JAK2: variants seen among roughly 807,000 people sequenced by gnomAD.
JAK2 encodes Janus kinase 2.
In JAK2, 86 loss-of-function variants were observed where a neutral mutation model predicts 139.3. The observed-to-expected ratio is 0.62, with a 90% CI of 0.52 to 0.74. JAK2 has a LOEUF of 0.74. Ranked by LOEUF, JAK2 falls within the 30% of genes least tolerant of loss-of-function variation. JAK2 has a pLI of 0.00. For synonymous variants in JAK2, 490 were observed against 437.7 expected (o/e 1.12, Z -1.49); for missense variants, 1,421 against 1,360.3 (o/e 1.04, Z -0.70).
intron 23 of JAK2, among the ~76,000 whole-genome samples, chr9:5,125,777 T>G (rs980292501): frequency 1.3e-5 from 2 of 151,586 alleles, no homozygotes; most frequent in Admixed American, 1.3e-4. Context: ...AGGGTGGGTA[T>G]GTATATATGT....
At chr9:5,062,294 C>T (rs1481544374) in intron 8 of JAK2, among the ~76,000 whole-genome samples, 1 of 151,872 alleles carries the variant, frequency 6.6e-6, no homozygotes, top group Admixed American at 6.6e-5. Flanking sequence ...AACTAATCCC[C>T]CTTGTATTCT....
intron 2 of JAK2, among the ~76,000 whole-genome samples, chr9:5,012,965 G>A (rs886308167): frequency 2.0e-5 from 3 of 152,120 alleles, no homozygotes; most frequent in African/African-American, 2.4e-5. Flanking sequence ...GCTGTTTAGT[G>A]TATGATGGTA....
intron 10 of JAK2, among the ~76,000 whole-genome samples, chr9:5,067,455 A>G (rs1818647762): frequency 6.6e-6 from 1 of 152,112 alleles, no homozygotes; most frequent in African/African-American, 2.4e-5. Context: ...ACAGAGAAAA[A>G]TAAGAACTTT....
intron 22 of JAK2, among the ~76,000 whole-genome samples, chr9:5,096,445 T>G (rs1820993675): frequency 1.3e-5 from 2 of 152,180 alleles, no homozygotes; most frequent in Non-Finnish European, 2.9e-5. Flanking sequence ...AAAAATTTAG[T>G]TAACAGCTAA....
chr9:5,106,124 A>G (rs1348360504), intron 22 of JAK2, among the ~76,000 whole-genome samples: 2 of 152,222 alleles, frequency 1.3e-5, no homozygotes, highest in African/African-American at 2.4e-5. Flanking sequence ...TGGACAGGCA[A>G]CCTACAGAAT....
intron 3 of JAK2, among the ~76,000 whole-genome samples, chr9:5,027,044 G>A (rs915259759): frequency 3.9e-5 from 6 of 152,192 alleles, no homozygotes; most frequent in African/African-American, 1.4e-4. Flanking sequence ...AACTCCTTCT[G>A]TGCAACCACA....
chr9:5,019,867 G>A (rs1019034155), intron 2 of JAK2, among the ~76,000 whole-genome samples: 4 of 152,192 alleles, frequency 2.6e-5, no homozygotes, highest in Non-Finnish European at 5.9e-5. Flanking sequence ...AGGCTGTGGT[G>A]AACTTTTGCT....
Position 5,110,682 on chromosome 9 carries a change from A to G in JAK2, c.3060-12322A>G, listed in dbSNP as rs534279289. 6.2e-5 allele frequency: 20 copies of G among 322,264 alleles called. No individual in the cohort carries two copies. In the Admixed American group the frequency reaches 6.3e-4, roughly 10 times the overall value. 20.0% of individuals were successfully genotyped at this position (322,264 alleles called of 1,614,324 possible). A position where few individuals can be genotyped will look rare whatever the true frequency, so the allele number is the denominator to read the frequency against. The stretch of plus-strand genomic sequence containing the variant: ...AAATACTGTCATATACCAACGCCTG[A>G]GCCCTTTCTATTACTCTTACTGCCA... On this transcript the variant is annotated intron_variant, in intron 22 of 24. Coordinates refer to ENST00000381652, the MANE Select transcript of JAK2 (RefSeq NM_004972.4).
At chr9:5,057,565 C>CCAGCATTCTA (rs1563963110) in intron 8 of JAK2, among the ~76,000 whole-genome samples, 1 of 148,270 alleles carries the variant, frequency 6.7e-6, no homozygotes. Flanking sequence ...ATCCTTGCAA[C>CCAGCATTCTA]CAGCATTCTA....
intron 19 of JAK2, among the ~76,000 whole-genome samples, chr9:5,084,482 G>T (rs931543594): frequency 1.3e-5 from 2 of 151,938 alleles, no homozygotes; most frequent in African/African-American, 4.8e-5. Context: ...TCCAAAGAGG[G>T]ATATATATTT....
At chr9:5,013,039 A>G (rs1275307686) in intron 2 of JAK2, among the ~76,000 whole-genome samples, 1 of 152,240 alleles carries the variant, frequency 6.6e-6, no homozygotes, top group Non-Finnish European at 1.5e-5. Flanking sequence ...CTATCAGTAC[A>G]TATTGATGGA....
At chr9:5,016,224 G>A (rs952692036) in intron 2 of JAK2, among the ~76,000 whole-genome samples, 4 of 152,226 alleles carry the variant, frequency 2.6e-5, no homozygotes, top group African/African-American at 7.2e-5. Flanking sequence ...TCAGGATGAA[G>A]TGAAGTATCT....
intron 2 of JAK2, among the ~76,000 whole-genome samples, chr9:5,011,225 G>A (rs945101497): frequency 2.0e-5 from 3 of 147,894 alleles, no homozygotes; most frequent in Non-Finnish European, 4.4e-5. Context: ...ATCAGACTTT[G>A]TTACTCTTGT....
chr9:5,081,918 A>G, intron 19 of JAK2, 57 bp downstream of exon 19: 1 of 1,409,636 alleles, frequency 7.1e-7, no homozygotes, highest in Non-Finnish European at 9.9e-7. Flanking sequence ...GGAAAAACTT[A>G]AGAGCGTTTC....
chr9:5,091,002 A>G, intron 22 of JAK2, 91 bp downstream of exon 22: 1 of 961,520 alleles, frequency 1.0e-6, no homozygotes, highest in East Asian at 2.6e-5. Context: ...TTCTATATTT[A>G]CAGTAACAGT....
chr9:5,090,370 A>C (rs1332831844), intron 20 of JAK2, 76 bp from the exon 21 acceptor site: 1 of 1,077,844 alleles, frequency 9.3e-7, no homozygotes, highest in Non-Finnish European at 1.3e-6. Context: ...TAAGTCATTT[A>C]TGTATGATAG....
chr9:5,007,616 T>C (rs1214528632), intron 2 of JAK2, among the ~76,000 whole-genome samples: 1 of 151,806 alleles, frequency 6.6e-6, no homozygotes, highest in African/African-American at 2.4e-5. Context: ...TATACTTTTA[T>C]TAGGTTGACG....
chr9:4,999,724 C>T lies in JAK2; in HGVS notation c.-26+13702C>T, dbSNP rs1280837775. 2.0e-5 allele frequency among the ~76,000 whole-genome samples: 3 copies of T among 152,210 alleles called. 1 individual carries two copies. Among genetic ancestry groups the T allele is most frequent in the Non-Finnish European group, 4.4e-5 (3 of 68,024 alleles). ...TTGGCCTCCCAAAGTGCTAGGATTA[C>T]AGGCGTGAGCCCCCGTGCCTGGTGT... On this transcript the variant is annotated intron_variant, in intron 2 of 24. Transcript: ENST00000381652.
Position 5,064,225 on chromosome 9 carries a change from T to C in JAK2, c.1057-658T>C, listed in dbSNP as rs148927542. Among the ~76,000 whole-genome samples, 238 of 152,208 alleles carry C rather than the reference T, an allele frequency of 1.6e-3. 1 individual carries two copies. Among genetic ancestry groups the C allele is most frequent in the African/African-American group, 5.2e-3 (215 of 41,524 alleles). ...ATTTTAGTTTGTAGCATGAATACTT[T>C]AGCAGTATGTAATTGGTATGTAGGG... On this transcript the variant is annotated intron_variant, in intron 8 of 24. Transcript: ENST00000381652.
Sources: allele counts gnomAD v4.1 joint callset (sites outside exome capture counted in the v4.1 genomes callset), GRCh38; gene constraint gnomAD v4.1.1; transcripts MANE v1.5; gene names NCBI Gene and HGNC (gene_info 2026-07-23, HGNC 2026-07-21).